The following PAX5 variants were observed in gnomAD, a reference collection of about 807,000 sequenced individuals.
The protein encoded by PAX5 is paired box 5.
In PAX5, 9 loss-of-function variants were observed where a neutral mutation model predicts 43.7. The ratio of observed to expected loss-of-function variants is 0.21; its 90% CI spans 0.12 to 0.36. The LOEUF is 0.36. Ranked by LOEUF, PAX5 falls within the 10% of genes least tolerant of loss-of-function variation. The pLI, the probability that PAX5 is intolerant of heterozygous loss-of-function variation, is 1.00. For synonymous variants in PAX5, 228 were observed against 214.3 expected, an observed-to-expected ratio of 1.06 and a Z score of -0.56; for missense variants, 383 against 532.7, an observed-to-expected ratio of 0.72 and a Z score of 2.77.
chr9:36,986,986 G>T (rs1836490620), intron 5 of PAX5, among the ~76,000 whole-genome samples: 2 of 152,180 alleles, frequency 1.3e-5, no homozygotes, highest in Non-Finnish European at 2.9e-5. Flanking sequence ...AGCATCACCA[G>T]CGTTCACCTG....
At chr9:36,997,421 G>A (rs1459498093) in intron 5 of PAX5, among the ~76,000 whole-genome samples, 1 of 152,314 alleles carries the variant, frequency 6.6e-6, no homozygotes, top group East Asian at 1.9e-4. Context: ...TTGTGAGGGG[G>A]ACAGGGAGGG....
chr9:36,841,327 A>G (rs1177259933), intron 9 of PAX5, among the ~76,000 whole-genome samples: 2 of 152,336 alleles, frequency 1.3e-5, no homozygotes, highest in African/African-American at 4.8e-5. Context: ...TGGGGTAGGC[A>G]CAGTTTAGCT....
chr9:37,029,874 C>T (rs1840799299), intron 1 of PAX5, among the ~76,000 whole-genome samples: 1 of 152,188 alleles, frequency 6.6e-6, no homozygotes, highest in Non-Finnish European at 1.5e-5. Flanking sequence ...ACGACTTGTC[C>T]AAAGTCACAC....
At chr9:36,842,197 C>A (rs1487953468) in intron 9 of PAX5, among the ~76,000 whole-genome samples, 1 of 152,206 alleles carries the variant, frequency 6.6e-6, no homozygotes, top group Non-Finnish European at 1.5e-5. Context: ...GACTCAGAGA[C>A]CCCTGTCAGC....
chr9:36,936,404 A>C (rs1328160284), intron 6 of PAX5, among the ~76,000 whole-genome samples: 2 of 152,190 alleles, frequency 1.3e-5, no homozygotes, highest in Non-Finnish European at 2.9e-5. Context: ...ACAAAGCTCC[A>C]TCTCCAGGTG....
intron 6 of PAX5, among the ~76,000 whole-genome samples, chr9:36,928,041 G>A (rs1830796948): frequency 1.3e-5 from 2 of 152,160 alleles, no homozygotes; most frequent in Non-Finnish European, 2.9e-5. Flanking sequence ...CACCTTGCAG[G>A]GCTTGCCCAG....
At chr9:36,878,096 T>C (rs1826083387) in intron 8 of PAX5, among the ~76,000 whole-genome samples, 1 of 152,056 alleles carries the variant, frequency 6.6e-6, no homozygotes, top group Non-Finnish European at 1.5e-5. Flanking sequence ...AGAGGGAGCA[T>C]AGCCCTGGCG....
At chr9:36,869,784 G>A (rs1235491875) in intron 8 of PAX5, among the ~76,000 whole-genome samples, 1 of 152,220 alleles carries the variant, frequency 6.6e-6, no homozygotes, top group Non-Finnish European at 1.5e-5. Flanking sequence ...GGAAGGAAGC[G>A]ATAGTGGATG....
At chr9:36,996,931 A>G (rs1418653591) in intron 5 of PAX5, among the ~76,000 whole-genome samples, 1 of 152,164 alleles carries the variant, frequency 6.6e-6, no homozygotes, top group Non-Finnish European at 1.5e-5. Context: ...GAGAGTATGT[A>G]CGAAAAAGAA....
intron 7 of PAX5, among the ~76,000 whole-genome samples, chr9:36,911,117 C>G (rs1444140951): frequency 2.0e-5 from 3 of 152,300 alleles, no homozygotes; most frequent in African/African-American, 7.2e-5. Context: ...TTCTCTCCCA[C>G]TTATTTTCTT....
chr9:36,872,031 T>C (rs1825539299), intron 8 of PAX5, among the ~76,000 whole-genome samples: 1 of 152,256 alleles, frequency 6.6e-6, no homozygotes, highest in South Asian at 2.1e-4. Flanking sequence ...GAACAAATGA[T>C]GGTGATCTTT....
chr9:36,984,952 T>C (rs550699609), intron 5 of PAX5, among the ~76,000 whole-genome samples: 23 of 152,306 alleles, frequency 1.5e-4, no homozygotes, highest in Admixed American at 6.5e-4. Context: ...CTCTTCCCTG[T>C]AGACAACTCA....
rs1821942471 is a variant in PAX5, at chr9:36,840,450, G to A, written c.*110C>T. The A allele has an allele frequency of 7.5e-6, 8 of 1,063,400 alleles. No individual in the cohort carries two copies. Among genetic ancestry groups the A allele is most frequent in the Non-Finnish European group, 9.8e-6 (7 of 712,618 alleles). The allele number at this position is 1,063,400 out of a possible 1,614,324, so 65.9% of individuals were successfully genotyped here. On this transcript the variant is annotated 3_prime_UTR_variant, in exon 10 of 10. Coordinates refer to ENST00000358127, the MANE Select transcript of PAX5 (RefSeq NM_016734.3). ...GAAGAGGGGAGCTTCAGGCAAGTGGGGGATGCTGGGGGACGGTCTCATGGG... is the reference window on the plus strand; with the variant it reads ...GAAGAGGGGAGCTTCAGGCAAGTGGAGGATGCTGGGGGACGGTCTCATGGG...
intron 6 of PAX5, among the ~76,000 whole-genome samples, chr9:36,925,935 G>A (rs1830607726): frequency 6.6e-6 from 1 of 152,152 alleles, no homozygotes; most frequent in African/African-American, 2.4e-5. Flanking sequence ...CCCGCCAAGT[G>A]GTGCCAGAAC....
chr9:36,966,332 G>A (rs1374576801), intron 6 of PAX5, among the ~76,000 whole-genome samples: 5 of 152,238 alleles, frequency 3.3e-5, no homozygotes, highest in Non-Finnish European at 5.9e-5. Flanking sequence ...CAGCGACAGA[G>A]GCACCAGGGC....
intron 6 of PAX5, among the ~76,000 whole-genome samples, chr9:36,934,339 CATAA>C (rs1350105374): frequency 6.6e-6 from 1 of 152,182 alleles, no homozygotes; most frequent in Non-Finnish European, 1.5e-5. Flanking sequence ...GTGCTAGACT[CATAA>C]ATAAATACTT....
At chr9:37,007,516 G>C (rs1192580126) in intron 3 of PAX5, 1 of 152,178 alleles carries the variant, frequency 6.6e-6, no homozygotes, top group Non-Finnish European at 1.5e-5. Flanking sequence ...CAGCAAGTCC[G>C]GCGCATCTGA....
chr9:36,935,963 GGGCGTAT>G (rs1159673554), intron 6 of PAX5, among the ~76,000 whole-genome samples: 8 of 152,220 alleles, frequency 5.3e-5, no homozygotes, highest in Non-Finnish European at 8.8e-5. Flanking sequence ...TGTCGGACTG[GGGCGTAT>G]GATGCTTGCT....
chr9:36,916,570 A>G (rs544766493), intron 7 of PAX5, among the ~76,000 whole-genome samples: 1 of 152,236 alleles, frequency 6.6e-6, no homozygotes, highest in East Asian at 1.9e-4. Context: ...AATAAACTAC[A>G]TCTCTTCATT....
Sources: allele counts gnomAD v4.1 joint callset (sites outside exome capture counted in the v4.1 genomes callset), GRCh38; gene constraint gnomAD v4.1.1; transcripts MANE v1.5; gene names NCBI Gene and HGNC (gene_info 2026-07-23, HGNC 2026-07-21).